DLG2: variants seen among roughly 807,000 people sequenced by gnomAD.
The protein encoded by DLG2 is discs large MAGUK scaffold protein 2.
DLG2 carries 45 observed loss-of-function variants against 132.5 expected under a neutral mutation model. That is an observed-to-expected ratio of 0.34 (90% CI 0.27 to 0.44). DLG2 has a LOEUF of 0.44. Ranked by LOEUF, DLG2 falls within the 20% of genes least tolerant of loss-of-function variation. DLG2 has a pLI of 1.00. For missense variants in DLG2, 1,045 were observed against 1,196.9 expected (o/e 0.87, Z 1.87); for synonymous variants, 424 against 419.6 (o/e 1.01, Z -0.13).
At chr11:83,522,970 G>T (rs2095520844) in intron 21 of DLG2, among the ~76,000 whole-genome samples, 1 of 152,078 alleles carries the variant, frequency 6.6e-6, no homozygotes, top group African/African-American at 2.4e-5. Context: ...GTATAGTTAA[G>T]AGGCAAGATA....
chr11:84,573,410 C>T (rs2154528074), intron 6 of DLG2, among the ~76,000 whole-genome samples: 1 of 152,074 alleles, frequency 6.6e-6, no homozygotes, highest in Middle Eastern at 3.4e-3. Flanking sequence ...ACTATGATGA[C>T]AAAACATAAA....
chr11:84,637,246 A>C (rs908809176), intron 6 of DLG2, among the ~76,000 whole-genome samples: 3 of 152,180 alleles, frequency 2.0e-5, no homozygotes, highest in Non-Finnish European at 4.4e-5. Context: ...TTTCCCTTAC[A>C]AAGATTATAG....
chr11:85,539,339 G>T (rs937630185), intron 3 of DLG2, among the ~76,000 whole-genome samples: 1 of 152,132 alleles, frequency 6.6e-6, no homozygotes, highest in Non-Finnish European at 1.5e-5. Flanking sequence ...AGTTTCTTGG[G>T]CTGCATAAAA....
intron 18 of DLG2, among the ~76,000 whole-genome samples, chr11:83,673,172 A>G (rs1403546764): frequency 6.6e-6 from 1 of 152,248 alleles, no homozygotes; most frequent in Non-Finnish European, 1.5e-5. Flanking sequence ...ATATTTGTCC[A>G]TATAATTTTT....
intron 7 of DLG2, among the ~76,000 whole-genome samples, chr11:84,392,337 C>T (rs1356114579): frequency 6.6e-6 from 1 of 152,174 alleles, no homozygotes; most frequent in Admixed American, 6.5e-5. Flanking sequence ...CTGATGATTG[C>T]AAACATTCTC....
intron 22 of DLG2, among the ~76,000 whole-genome samples, chr11:83,475,621 G>T (rs780755804): frequency 6.6e-6 from 1 of 151,852 alleles, no homozygotes; most frequent in Non-Finnish European, 1.5e-5. Flanking sequence ...ATTGAAGAGA[G>T]AGATAGGGGC....
At chr11:84,529,408 C>T (rs2099329921) in intron 7 of DLG2, among the ~76,000 whole-genome samples, 13 of 152,020 alleles carry the variant, frequency 8.6e-5, no homozygotes, top group Admixed American at 8.5e-4. Flanking sequence ...TAGTCTCTAC[C>T]CAAAAGCTCC....
intron 6 of DLG2, among the ~76,000 whole-genome samples, chr11:84,560,535 T>C (rs1318508247): frequency 6.6e-6 from 1 of 152,110 alleles, no homozygotes; most frequent in Non-Finnish European, 1.5e-5. Context: ...TGTGCGCCTC[T>C]AATAAACTTT....
rs145401495 is a variant in DLG2 at position 84,186,148 on chromosome 11, C to T, written c.574-22637G>A. ...GAATACTACATTTGTAGCTGTGGGT[C>T]ACTTTGTGTTTATCCTGCTTAAAAT... On this transcript the variant is annotated intron_variant, in intron 8 of 27. Coordinates refer to ENST00000376104, the MANE Select transcript of DLG2 (RefSeq NM_001142699.3). Among the ~76,000 whole-genome samples, 2 of 152,192 alleles carry T rather than the reference C, an allele frequency of 1.3e-5. 1 individual carries two copies. The highest frequency in any genetic ancestry group is 3.9e-4 in the East Asian group (2 of 5,180).
chr11:83,797,859 G>A (rs1357115610), intron 17 of DLG2, among the ~76,000 whole-genome samples: 20 of 152,122 alleles, frequency 1.3e-4, no homozygotes, highest in Admixed American at 1.3e-3. Flanking sequence ...TCAAGGATCT[G>A]GTGATCCAGG....
At chr11:83,553,781 A>T (rs1305183423) in intron 19 of DLG2, among the ~76,000 whole-genome samples, 1 of 152,276 alleles carries the variant, frequency 6.6e-6, no homozygotes, top group African/African-American at 2.4e-5. Context: ...ATAGTTCAGA[A>T]ATTTAGAGGA....
At chr11:84,694,204 C>A (rs2058369665) in intron 6 of DLG2, among the ~76,000 whole-genome samples, 1 of 151,520 alleles carries the variant, frequency 6.6e-6, no homozygotes, top group Admixed American at 6.6e-5. Flanking sequence ...GAGGTCATCT[C>A]AGCCATTGTG....
chr11:83,734,060 C>A (rs867426111), intron 18 of DLG2, among the ~76,000 whole-genome samples: 1 of 151,976 alleles, frequency 6.6e-6, no homozygotes. Flanking sequence ...ACAATGGCTT[C>A]CAGTTGCAAC....
chr11:84,031,504 G>A (rs989267463), intron 11 of DLG2, among the ~76,000 whole-genome samples: 1 of 152,166 alleles, frequency 6.6e-6, no homozygotes, highest in Admixed American at 6.6e-5. Flanking sequence ...AGAGGGGTTT[G>A]TGAGAAGGCA....
At chr11:84,285,490 A>G (rs2097900865) in intron 7 of DLG2, among the ~76,000 whole-genome samples, 1 of 152,082 alleles carries the variant, frequency 6.6e-6, no homozygotes, top group African/African-American at 2.4e-5. Flanking sequence ...TTCTGCCTCA[A>G]ATCTTCTCCC....
At chr11:84,636,372 C>G (rs2099640460) in intron 6 of DLG2, among the ~76,000 whole-genome samples, 1 of 152,146 alleles carries the variant, frequency 6.6e-6, no homozygotes, top group Admixed American at 6.5e-5. Flanking sequence ...GTTAAGGAGA[C>G]TAGGATTCAA....
At chr11:84,273,397 A>T (rs576107346) in intron 7 of DLG2, 6 of 1,260,206 alleles carry the variant, frequency 4.8e-6, no homozygotes, top group Non-Finnish European at 3.0e-6. Context: ...TAAGACTTAA[A>T]AAAAAAGTTA....
chr11:85,335,010 C>T (rs560266690), intron 3 of DLG2, among the ~76,000 whole-genome samples: 1 of 152,230 alleles, frequency 6.6e-6, no homozygotes, highest in South Asian at 2.1e-4. Context: ...CTAATACTGT[C>T]AATGGGGTAT....
intron 5 of DLG2, among the ~76,000 whole-genome samples, chr11:85,139,011 A>C (rs2076295867): frequency 6.6e-6 from 1 of 152,062 alleles, no homozygotes; most frequent in Non-Finnish European, 1.5e-5. Flanking sequence ...CTGGATTTGC[A>C]CATGGCTGGC....
Sources: gnomAD v4.1 joint callset for allele counts (sites outside exome capture counted in the v4.1 genomes callset) on GRCh38, gnomAD v4.1.1 for gene constraint, MANE v1.5 for transcripts, NCBI Gene and HGNC (gene_info 2026-07-23, HGNC 2026-07-21) for gene names.